Variants in RPRD1B observed in about 807,000 individuals in gnomAD.
RPRD1B encodes the protein regulation of nuclear pre-mRNA domain containing 1B.
RPRD1B carries 11 observed loss-of-function variants against 41.5 expected under a neutral mutation model. The ratio of observed to expected loss-of-function variants is 0.27; its 90% CI spans 0.17 to 0.44. The LOEUF (loss-of-function observed/expected upper bound fraction) is 0.44. Among genes scored for constraint, RPRD1B ranks in the 20% least tolerant of loss-of-function variants. The pLI is 1.00. For missense variants in RPRD1B, 248 were observed against 389.9 expected (o/e 0.64, Z 3.06); for synonymous variants, 158 against 155.6 (o/e 1.02, Z -0.12).
At chr20:38,079,790 A>ATC (rs1249939129) in intron 6 of RPRD1B, among the ~76,000 whole-genome samples, 11 of 152,142 alleles carry the variant, frequency 7.2e-5, no homozygotes, top group African/African-American at 2.7e-4. Flanking sequence ...GTTCTTTGAG[A>ATC]AATCTCCAGA....
intron 6 of RPRD1B, among the ~76,000 whole-genome samples, chr20:38,089,313 A>G (rs998083007): frequency 2.6e-5 from 4 of 152,276 alleles, no homozygotes; most frequent in South Asian, 2.1e-4. Context: ...GCTTTAACAT[A>G]GGAAGTATAA....
chr20:38,053,454 C>CA (rs2074209220), intron 3 of RPRD1B, among the ~76,000 whole-genome samples: 1 of 152,146 alleles, frequency 6.6e-6, no homozygotes, highest in Non-Finnish European at 1.5e-5. Flanking sequence ...CTAGGTACTG[C>CA]AGGGATGTAG....
At chr20:38,087,711 A>C (rs1009575151) in intron 6 of RPRD1B, among the ~76,000 whole-genome samples, 5 of 152,240 alleles carry the variant, frequency 3.3e-5, no homozygotes, top group Admixed American at 6.5e-5. Context: ...AAACAGCCAA[A>C]GAAGAAAAGT....
At chr20:38,065,173 A>G (rs2074341790) in intron 5 of RPRD1B, among the ~76,000 whole-genome samples, 1 of 152,202 alleles carries the variant, frequency 6.6e-6, no homozygotes, top group Non-Finnish European at 1.5e-5. Flanking sequence ...GAAGAAGTTC[A>G]TCCCCACGTC....
chr20:38,075,007 C>T (rs1174652627), intron 6 of RPRD1B, among the ~76,000 whole-genome samples: 4 of 151,974 alleles, frequency 2.6e-5, no homozygotes, highest in African/African-American at 9.7e-5. Flanking sequence ...GCTTGAATAC[C>T]TGTGGTTGGA....
chr20:38,052,374 C>A (rs971799442), intron 3 of RPRD1B, among the ~76,000 whole-genome samples: 3 of 152,186 alleles, frequency 2.0e-5, no homozygotes, highest in Non-Finnish European at 2.9e-5. Context: ...GTTCTAGGCA[C>A]AACTTCCCTG....
chr20:38,081,707 T>C (rs538563480), intron 6 of RPRD1B, among the ~76,000 whole-genome samples: 13 of 152,308 alleles, frequency 8.5e-5, no homozygotes, highest in African/African-American at 3.1e-4. Context: ...ATGGCTCTTA[T>C]TATTTTGAGG....
intron 3 of RPRD1B, among the ~76,000 whole-genome samples, chr20:38,055,895 A>G (rs1285586185): frequency 6.6e-6 from 1 of 152,146 alleles, no homozygotes; most frequent in Non-Finnish European, 1.5e-5. Flanking sequence ...GTTAGCAGCA[A>G]AATTTGTACT....
chr20:38,040,916 T>G (rs2074059775), intron 2 of RPRD1B, among the ~76,000 whole-genome samples: 1 of 152,246 alleles, frequency 6.6e-6, no homozygotes. Context: ...TTTAGTAACA[T>G]AACTTAATAG....
intron 6 of RPRD1B, among the ~76,000 whole-genome samples, chr20:38,077,349 C>T (rs1372061749): frequency 6.6e-6 from 1 of 152,168 alleles, no homozygotes. Context: ...TTTCCACAGA[C>T]ACCTCAGACA....
At chr20:38,077,701 C>T (rs1424257930) in intron 6 of RPRD1B, among the ~76,000 whole-genome samples, 1 of 152,200 alleles carries the variant, frequency 6.6e-6, no homozygotes, top group Non-Finnish European at 1.5e-5. Flanking sequence ...TCCACTCTGT[C>T]ATCATCTGTC....
rs2074606683 is a variant in RPRD1B at position 38,090,888 on chromosome 20, CGTCT to C, written c.*1017_*1020del. 2.0e-6 allele frequency: 2 copies of C among 985,248 alleles called. No individual in the cohort carries two copies. The highest frequency in any genetic ancestry group is 2.4e-6 in the Non-Finnish European group (2 of 829,914). 61.0% of individuals were successfully genotyped at this position (985,248 alleles called of 1,614,324 possible). On this transcript the variant is annotated 3_prime_UTR_variant, in exon 7 of 7. Coordinates refer to ENST00000373433, the MANE Select transcript of RPRD1B (RefSeq NM_021215.4). Reference sequence around the variant, plus strand: ...CTGCAAATAGGACGCTGAGCAGGTCCGTCTGTCATGTCACGCCACTGCACAGGTC... The same window carrying C: ...CTGCAAATAGGACGCTGAGCAGGTCCGTCATGTCACGCCACTGCACAGGTC...
At chr20:38,038,144 C>A (rs1232984556) in intron 1 of RPRD1B, among the ~76,000 whole-genome samples, 1 of 152,174 alleles carries the variant, frequency 6.6e-6, no homozygotes, top group Non-Finnish European at 1.5e-5. Context: ...TCCTAGTATT[C>A]TTATCAGTTG....
In RPRD1B at chr20:38,078,949, A is replaced by G. The variant is rs2074489239; in HGVS notation, c.832-10777A>G. ...AATCAAATGGTTTCTGGGAGAAAGGATCTTGTATCCCATTAATAATTCTTT... is the reference window on the plus strand; with the variant it reads ...AATCAAATGGTTTCTGGGAGAAAGGGTCTTGTATCCCATTAATAATTCTTT... On this transcript the variant is annotated intron_variant, in intron 6 of 6. Transcript: ENST00000373433. Among the ~76,000 whole-genome samples, 5 of 152,204 alleles carry G rather than the reference A, an allele frequency of 3.3e-5. No homozygotes were observed. The South Asian group carries it at 1.0e-3, about 32-fold the overall frequency.
chr20:38,050,488 A>G (rs2074174555), intron 3 of RPRD1B, among the ~76,000 whole-genome samples: 1 of 152,182 alleles, frequency 6.6e-6, no homozygotes, highest in Admixed American at 6.5e-5. Flanking sequence ...GTTCATTGGT[A>G]AACAGTGCTG....
chr20:38,060,418 A>G (rs1056720188), intron 5 of RPRD1B, among the ~76,000 whole-genome samples: 2 of 152,190 alleles, frequency 1.3e-5, no homozygotes, highest in African/African-American at 4.8e-5. Flanking sequence ...CCCTCAACAA[A>G]TATTTGAGGC....
At position 38,048,430 on chromosome 20, in the gene RPRD1B, A is replaced by T. The variant is rs749839848; in HGVS notation, c.364A>T (p.Ile122Leu). Residue 122 changes from isoleucine (I) to leucine (L), a missense_variant, in exon 3 of 7, where the codon ATA (isoleucine) becomes TTA (leucine). Ile to Leu is a conservative substitution (Grantham distance 5). Around this residue, in one of 5 missense-constraint regions of RPRD1B, gnomAD observed 94 missense variants for 82.3 expected, o/e 1.14. Transcript: ENST00000373433. Reference protein sequence around the residue: ...QERSVYGGEFIQQLKLSMEDS... With the variant: ...QERSVYGGEFLQQLKLSMEDS... ...ACGAAGTGTGTATGGCGGCGAGTTC[A>T]TACAGCAGCTGAAGCTGTCTATGGA... is the stretch of plus-strand genomic sequence containing the variant. The T allele has an allele frequency of 2.7e-5, 44 of 1,613,878 alleles. No homozygotes were observed. Among genetic ancestry groups the T allele is most frequent in the Non-Finnish European group, 3.7e-5 (44 of 1,179,854 alleles).
chr20:38,041,587 AAC>A (rs2074066602), intron 2 of RPRD1B, among the ~76,000 whole-genome samples: 1 of 152,252 alleles, frequency 6.6e-6, no homozygotes, highest in South Asian at 2.1e-4. Context: ...GAATCTTCAT[AAC>A]AGAGTAAGCT....
chr20:38,066,880 C>T (rs2074363171), intron 6 of RPRD1B, among the ~76,000 whole-genome samples: 1 of 152,148 alleles, frequency 6.6e-6, no homozygotes, highest in African/African-American at 2.4e-5. Context: ...TAGTCTTGAT[C>T]TCCTGACCTC....
Sources: allele counts gnomAD v4.1 joint callset (sites outside exome capture counted in the v4.1 genomes callset), GRCh38; gene constraint gnomAD v4.1.1; regional missense constraint gnomAD v4.1.1; transcripts MANE v1.5; gene names NCBI Gene and HGNC (gene_info 2026-07-23, HGNC 2026-07-21).